Variants in PTK2 observed in about 807,000 individuals in gnomAD.
PTK2 encodes protein tyrosine kinase 2, also known as focal adhesion kinase 1.
A neutral mutation model predicts 150.1 loss-of-function variants in PTK2; 45 were observed. That is an observed-to-expected ratio of 0.30 (90% CI 0.24 to 0.38). PTK2 has a LOEUF of 0.38. Among genes scored for constraint, PTK2 ranks in the 10% least tolerant of loss-of-function variants. The probability of loss-of-function intolerance (pLI) is 1.00; values close to 1 mark genes in which losing one functional copy is unlikely to be tolerated. For synonymous variants in PTK2, 432 were observed against 449.2 expected (o/e 0.96, Z 0.48); for missense variants, 919 against 1,307.3 (o/e 0.70, Z 4.58).
intron 26 of PTK2, among the ~76,000 whole-genome samples, chr8:140,691,252 G>T (rs1387444433): frequency 2.0e-5 from 3 of 151,854 alleles, no homozygotes; most frequent in Non-Finnish European, 2.9e-5. Flanking sequence ...GTGCTCAAGT[G>T]ATCTTCCTGT....
intron 20 of PTK2, among the ~76,000 whole-genome samples, chr8:140,742,190 G>T (rs558668691): frequency 6.6e-6 from 1 of 152,334 alleles, no homozygotes; most frequent in East Asian, 1.9e-4. Flanking sequence ...AGGTGCTGGA[G>T]TTAGCAGCCT....
chr8:140,932,420 T>G (rs1052648675), intron 1 of PTK2, among the ~76,000 whole-genome samples: 1 of 152,084 alleles, frequency 6.6e-6, no homozygotes, highest in African/African-American at 2.4e-5. Flanking sequence ...TTCACCATCT[T>G]GGCCAGGCCA....
intron 5 of PTK2, among the ~76,000 whole-genome samples, chr8:140,850,289 G>T (rs2100128375): frequency 6.6e-6 from 1 of 151,990 alleles, no homozygotes; most frequent in Middle Eastern, 3.2e-3. Context: ...AGCTGGGCAT[G>T]GTGGCAGGCA....
At chr8:140,818,782 C>T (rs1228963330) in intron 9 of PTK2, 98 bp downstream of exon 9, 5 of 1,296,694 alleles carry the variant, frequency 3.9e-6, no homozygotes, top group Non-Finnish European at 5.3e-6. Context: ...AAAAATGGGA[C>T]AAGTTAGCAT....
intron 19 of PTK2, among the ~76,000 whole-genome samples, chr8:140,744,062 C>CGCGGTGGCTCG (rs58628473): frequency 6.7e-6 from 1 of 149,924 alleles, no homozygotes; most frequent in African/African-American, 2.4e-5. Flanking sequence ...CAGCTATGAG[C>CGCGGTGGCTCG]CACCGCGCCC....
chr8:140,882,887 T>C (rs959640259), intron 3 of PTK2, among the ~76,000 whole-genome samples: 4 of 152,198 alleles, frequency 2.6e-5, no homozygotes, highest in African/African-American at 9.6e-5. Flanking sequence ...CCAATTATAC[T>C]TGATGCATAA....
At position 140,672,460 on chromosome 8, in the gene PTK2, T is replaced by C. The variant is rs1056714943; in HGVS notation, c.2709+1838A>G. Among the ~76,000 whole-genome samples the C allele has an allele frequency of 2.6e-5, 4 of 152,214 alleles. No individual in the cohort carries two copies. In the East Asian group the frequency reaches 7.7e-4, roughly 29 times the overall value. Reference sequence around the variant, plus strand: ...GGAGGCATCCTGGGGCTTGGAGGCCTGGTGAACTGAGGAAGTTCCTGATTC... The same window carrying C: ...GGAGGCATCCTGGGGCTTGGAGGCCCGGTGAACTGAGGAAGTTCCTGATTC... On this transcript the variant is annotated intron_variant, in intron 29 of 31. Coordinates refer to ENST00000522684, the Ensembl canonical transcript of PTK2.
At chr8:140,843,972 A>T (rs138794098) in intron 7 of PTK2, among the ~76,000 whole-genome samples, 7 of 152,282 alleles carry the variant, frequency 4.6e-5, no homozygotes, top group African/African-American at 1.7e-4. Context: ...TTCTTTAGGC[A>T]ACTCCTGGAT....
rs573582477 is a variant in PTK2 at position 140,664,876 on chromosome 8, G to A, written c.2946+41C>T. 3.4e-5 allele frequency: 54 copies of A among 1,575,916 alleles called. No individual in the cohort carries two copies. The East Asian group carries it at 1.1e-3, about 31-fold the overall frequency. On this transcript the variant is annotated intron_variant, in intron 31 of 31. Coordinates refer to ENST00000522684, the Ensembl canonical transcript of PTK2. ...GCATCCCTGAATGTGTCCCTGCCCA[G>A]TGCTGTCACAGAGGGCTGCAAGGGG... is the stretch of plus-strand genomic sequence containing the variant.
intron 1 of PTK2, among the ~76,000 whole-genome samples, chr8:140,927,599 A>G (rs1052894744): frequency 6.6e-6 from 1 of 152,234 alleles, no homozygotes; most frequent in South Asian, 2.1e-4. Context: ...AAAATCAACA[A>G]TATACATTTT....
chr8:140,669,570 A>G (rs2094491415), intron 29 of PTK2, 157 bp downstream of exon 33: 1 of 719,944 alleles, frequency 1.4e-6, no homozygotes, highest in South Asian at 1.9e-5. Flanking sequence ...TTGCATATAT[A>G]AACACTGCTT....
intron 14 of PTK2, among the ~76,000 whole-genome samples, chr8:140,774,585 A>G (rs1336789395): frequency 6.6e-6 from 1 of 152,194 alleles, no homozygotes; most frequent in African/African-American, 2.4e-5. Flanking sequence ...GCTCGGTAAA[A>G]TAAGACTGAG....
intron 2 of PTK2, among the ~76,000 whole-genome samples, chr8:140,920,047 C>A (rs11778436): frequency 6.6e-6 from 1 of 151,812 alleles, no homozygotes; most frequent in Non-Finnish European, 1.5e-5. Context: ...CAGCTTCCTC[C>A]TTTTAAAAAT....
intron 7 of PTK2, chr8:140,832,796 T>C (rs2100116266): frequency 1.9e-6 from 1 of 516,948 alleles, no homozygotes. Context: ...TTTAGACATG[T>C]GAGGGCCTAA....
intron 4 of PTK2, 107 bp from the exon 5 acceptor site, chr8:140,864,506 T>C (rs1392620165): frequency 1.9e-6 from 1 of 540,276 alleles, no homozygotes; most frequent in African/African-American, 2.0e-5. Flanking sequence ...CTCTGAAAGA[T>C]GATTTCAAAT....
chr8:140,877,163 G>A (rs918115514), intron 4 of PTK2, among the ~76,000 whole-genome samples: 1 of 150,138 alleles, frequency 6.7e-6, no homozygotes, highest in African/African-American at 2.5e-5. Flanking sequence ...CTCCAATGTA[G>A]CTGGGAGTAC....
intron 23 of PTK2, among the ~76,000 whole-genome samples, chr8:140,709,976 CA>C (rs1369158308): frequency 6.6e-6 from 1 of 151,744 alleles, no homozygotes; most frequent in Non-Finnish European, 1.5e-5. Context: ...AGGAAAAAAA[CA>C]AAAAACAACA....
At position 140,669,557 on chromosome 8, in the gene PTK2, C is replaced by A. The variant is rs905990302; in HGVS notation, c.2710-1133G>T. 8 of 638,568 alleles carry A rather than the reference C, an allele frequency of 1.3e-5. No homozygotes were observed. The South Asian group carries it at 1.5e-4, about 12-fold the overall frequency. 39.6% of individuals were successfully genotyped at this position (638,568 alleles called of 1,614,324 possible). On this transcript the variant is annotated intron_variant, in intron 29 of 31. Transcript: ENST00000522684. ...ACTGCAAAGATGTACATGTCTCATT[C>A]TTTTGCATATATAAACACTGCTTTT...
rs1569530405 is a variant in PTK2, at chr8:140,975,670, C to A, written c.-122+25455G>T. ...CGATAGGCTGTATGTGTATATGCGACCCCCGAAGGCTGAAGTTTCTACTCT... is the reference window on the plus strand; with the variant it reads ...CGATAGGCTGTATGTGTATATGCGAACCCCGAAGGCTGAAGTTTCTACTCT... On this transcript the variant is annotated intron_variant, in intron 1 of 31. Coordinates refer to ENST00000522684, the Ensembl canonical transcript of PTK2. Among the ~76,000 whole-genome samples, 4 of 152,228 alleles carry A rather than the reference C, an allele frequency of 2.6e-5. No individual in the cohort carries two copies. The East Asian group carries it at 7.7e-4, about 29-fold the overall frequency.
Sources: gnomAD v4.1 joint callset for allele counts (sites outside exome capture counted in the v4.1 genomes callset) on GRCh38, gnomAD v4.1.1 for gene constraint, MANE v1.5 for transcripts, NCBI Gene and HGNC (gene_info 2026-07-23, HGNC 2026-07-21) for gene names.